NSRP1: variants seen among roughly 807,000 people sequenced by gnomAD.
The protein encoded by NSRP1 is coiled-coil domain containing 55.
A neutral mutation model predicts 54.7 loss-of-function variants in NSRP1; 24 were observed. The observed-to-expected ratio is 0.44, with a 90% CI of 0.32 to 0.62. NSRP1 has a LOEUF of 0.62. NSRP1 is among the 20% of genes least tolerant of loss of function. The pLI is 0.06. For synonymous variants in NSRP1, 210 were observed against 213.8 expected, an observed-to-expected ratio of 0.98 and a Z score of 0.15; for missense variants, 596 against 651.2, an observed-to-expected ratio of 0.92 and a Z score of 0.92.
At chr17:30,118,282 T>C in intron 2 of NSRP1, 109 bp downstream of exon 2, 1 of 698,202 alleles carries the variant, frequency 1.4e-6, no homozygotes. Flanking sequence ...TACAGTGGAG[T>C]ATAATTTACA....
chr17:30,160,037 T>G (rs1904455498), intron 2 of NSRP1, among the ~76,000 whole-genome samples: 1 of 152,216 alleles, frequency 6.6e-6, no homozygotes. Context: ...TGAATGCTTT[T>G]TCTGCCCCAA....
intron 2 of NSRP1, among the ~76,000 whole-genome samples, chr17:30,165,677 A>G (rs952893390): frequency 1.3e-5 from 2 of 152,198 alleles, no homozygotes; most frequent in Admixed American, 6.5e-5. Context: ...ATTAGTTCCT[A>G]CTAAAGCCAC....
intron 2 of NSRP1, among the ~76,000 whole-genome samples, chr17:30,132,177 G>C (rs1180316547): frequency 6.6e-6 from 1 of 151,442 alleles, no homozygotes; most frequent in Non-Finnish European, 1.5e-5. Context: ...GAACCAGGGA[G>C]GCAGAGCTTG....
In NSRP1 at chr17:30,170,147, A is replaced by G. The variant is rs890549505; in HGVS notation, c.115-2395A>G. Among the ~76,000 whole-genome samples, 27 of 152,154 alleles carry G rather than the reference A, an allele frequency of 1.8e-4. 2 individuals are homozygous for G. On this transcript the variant is annotated intron_variant, in intron 2 of 6. Coordinates refer to ENST00000247026, the MANE Select transcript of NSRP1 (RefSeq NM_032141.4). ...AAAAAGATGTAATTCACATAGCATA[A>G]AATTCATGCTTTTATACAATTCAGT...
chr17:30,123,833 C>T (rs1392469764), intron 2 of NSRP1, among the ~76,000 whole-genome samples: 1 of 152,060 alleles, frequency 6.6e-6, no homozygotes, highest in East Asian at 1.9e-4. Flanking sequence ...ATTAAATCGT[C>T]CATCGTCTAT....
chr17:30,149,481 T>C (rs2071886529), intron 2 of NSRP1, among the ~76,000 whole-genome samples: 2 of 152,230 alleles, frequency 1.3e-5, no homozygotes, highest in Non-Finnish European at 2.9e-5. Flanking sequence ...GCTGTCCTTA[T>C]ATTTCTGAGA....
intron 4 of NSRP1, 76 bp downstream of exon 4, chr17:30,178,275 A>G (rs1163719179): frequency 1.3e-6 from 2 of 1,503,964 alleles, no homozygotes; most frequent in Admixed American, 2.3e-5. Context: ...TAACATGAGA[A>G]TGATCTGAGA....
At chr17:30,120,619 A>T (rs890647247) in intron 2 of NSRP1, among the ~76,000 whole-genome samples, 3 of 152,216 alleles carry the variant, frequency 2.0e-5, no homozygotes, top group Non-Finnish European at 4.4e-5. Context: ...ATGAATATAA[A>T]GCAAACTGAA....
At chr17:30,184,576 G>C (rs754622408) in intron 6 of NSRP1, 39 bp from the exon 7 acceptor site, 15 of 1,518,334 alleles carry the variant, frequency 9.9e-6, no homozygotes, top group Admixed American at 2.3e-5. Context: ...CTGATAATGT[G>C]GCATTTTTTT....
chr17:30,168,226 C>T (rs1402358435), intron 2 of NSRP1: 2 of 152,084 alleles, frequency 1.3e-5, no homozygotes, highest in Non-Finnish European at 2.9e-5. Context: ...TAATCTGTAG[C>T]CTTAACAATT....
At chr17:30,132,175 G>A (rs1353149380) in intron 2 of NSRP1, among the ~76,000 whole-genome samples, 1 of 151,214 alleles carries the variant, frequency 6.6e-6, no homozygotes, top group African/African-American at 2.4e-5. Flanking sequence ...ATGAACCAGG[G>A]AGGCAGAGCT....
intron 5 of NSRP1, among the ~76,000 whole-genome samples, chr17:30,180,100 G>A (rs1358567207): frequency 6.6e-6 from 1 of 152,048 alleles, no homozygotes; most frequent in Non-Finnish European, 1.5e-5. Context: ...GCCTCCCAAA[G>A]TGTTGGCATT....
At chr17:30,151,702 G>A (rs1181170708) in intron 2 of NSRP1, among the ~76,000 whole-genome samples, 2 of 150,718 alleles carry the variant, frequency 1.3e-5, no homozygotes, top group African/African-American at 2.4e-5. Context: ...ATATAGGTGT[G>A]CCCATGCAGT....
chr17:30,142,632 T>C (rs1412082654), intron 2 of NSRP1, among the ~76,000 whole-genome samples: 11 of 152,258 alleles, frequency 7.2e-5, no homozygotes, highest in Admixed American at 2.0e-4. Context: ...TTAGAAATAG[T>C]GTATCTTAAG....
chr17:30,178,758 A>G (rs897244003), intron 4 of NSRP1, among the ~76,000 whole-genome samples: 1 of 152,178 alleles, frequency 6.6e-6, no homozygotes, highest in Non-Finnish European at 1.5e-5. Flanking sequence ...ACTATTTTAA[A>G]TAGTCATATT....
intron 2 of NSRP1, among the ~76,000 whole-genome samples, chr17:30,149,397 G>A (rs1289389777): frequency 6.6e-6 from 1 of 152,242 alleles, no homozygotes; most frequent in African/African-American, 2.4e-5. Context: ...AAGAACATAA[G>A]ATTATCTGAT....
intron 2 of NSRP1, chr17:30,169,059 G>A (rs974678846): frequency 1.3e-5 from 2 of 151,816 alleles, no homozygotes; most frequent in Non-Finnish European, 2.9e-5. Context: ...TTTTTTCAAC[G>A]GTCATACTTC....
chr17:30,162,023 T>G (rs1904532861), intron 2 of NSRP1, among the ~76,000 whole-genome samples: 1 of 125,450 alleles, frequency 8.0e-6, no homozygotes, highest in Non-Finnish European at 1.6e-5. Flanking sequence ...CATAGCCATG[T>G]CTTTTTTTTT....
chr17:30,149,381 T>C (rs1167858888), intron 2 of NSRP1, among the ~76,000 whole-genome samples: 3 of 152,252 alleles, frequency 2.0e-5, no homozygotes, highest in African/African-American at 4.8e-5. Flanking sequence ...TATTGTGTTA[T>C]GACCAAAGAA....
Sources: gnomAD v4.1 joint callset for allele counts (sites outside exome capture counted in the v4.1 genomes callset) on GRCh38, gnomAD v4.1.1 for gene constraint, MANE v1.5 for transcripts, NCBI Gene and HGNC (gene_info 2026-07-23, HGNC 2026-07-21) for gene names.